MS4A18: variants seen among roughly 807,000 people sequenced by gnomAD.
MS4A18 encodes the protein membrane-spanning 4-domains subfamily A member 18.
Under a neutral mutation model 13.1 loss-of-function variants are expected in MS4A18, and 27 were observed. The ratio of observed to expected loss-of-function variants is 2.06; its 90% CI spans 1.52 to 2.84. The LOEUF (loss-of-function observed/expected upper bound fraction) is 2.84. MS4A18 is among the 30% of genes most tolerant of loss of function. MS4A18 has a pLI of 0.00. For missense variants in MS4A18, 307 were observed against 196.4 expected (o/e 1.56, Z -3.37); for synonymous variants, 126 against 76.5 (o/e 1.65, Z -3.38).
exon 4 of MS4A18, chr11:60,738,982 C>T (rs1451722948): frequency 7.1e-6 from 5 of 703,088 alleles, no homozygotes; most frequent in South Asian, 5.9e-5. Flanking sequence ...CAGATCTGAG[C>T]CTTTACTATG....
At chr11:60,743,764 A>C (rs1413425706) in exon 6 of MS4A18, 1 of 702,590 alleles carries the variant, frequency 1.4e-6, no homozygotes, top group Non-Finnish European at 2.6e-6. Flanking sequence ...CAGTGCCACC[A>C]ATGGTCCTGT....
At chr11:60,725,843 TGC>T (rs1369651397), upstream of MS4A18, among the ~76,000 whole-genome samples, 8 of 152,094 alleles carry the variant, frequency 5.3e-5, no homozygotes, top group African/African-American at 1.9e-4. Flanking sequence ...AATAATATAT[TGC>T]TGGGGGAACT....
At chr11:60,729,545 C>A (rs940763441) in exon 1 of MS4A18, 2 of 702,596 alleles carry the variant, frequency 2.8e-6, no homozygotes, top group East Asian at 5.4e-5. Flanking sequence ...CAGAGTCAAC[C>A]CATTGGGTAT....
intron 2 of MS4A18, 114 bp downstream of exon 3, chr11:60,733,761 A>T (rs569687797): frequency 1.5e-6 from 1 of 679,412 alleles, no homozygotes; most frequent in South Asian, 1.6e-5. Context: ...TGTAGACTAG[A>T]GCCAGCCTCC....
At chr11:60,729,933 A>G in intron 1 of MS4A18, 147 bp downstream of exon 2, 1 of 595,914 alleles carries the variant, frequency 1.7e-6, no homozygotes, top group East Asian at 2.8e-5. Flanking sequence ...GACCCAGTAC[A>G]ATCACCCAGA....
upstream of MS4A18, among the ~76,000 whole-genome samples, chr11:60,724,910 G>T (rs1178458073): frequency 6.6e-6 from 1 of 152,160 alleles, no homozygotes; most frequent in Non-Finnish European, 1.5e-5. Context: ...AGGAATCAGG[G>T]GTTCAGACAT....
chr11:60,735,918 T>A, intron 2 of MS4A18, among the ~76,000 whole-genome samples: 1 of 152,058 alleles, frequency 6.6e-6, no homozygotes, highest in African/African-American at 2.4e-5. Flanking sequence ...CACCTCGGCC[T>A]CCCAAAGTGC....
At chr11:60,744,313 C>A, downstream of MS4A18, 1 of 301,884 alleles carries the variant, frequency 3.3e-6, no homozygotes, top group Non-Finnish European at 6.2e-6. Context: ...AAATCGGTGC[C>A]TCAGCCATGG....
rs77278117 is a variant in MS4A18, at chr11:60,735,995, A to G, written c.592-983A>G. On this transcript the variant is annotated intron_variant, in intron 2 of 5. Coordinates refer to ENST00000529108, the Ensembl canonical transcript of MS4A18. ...TTTTCTTTATGGTCCGATCATATTT[A>G]CCTATATGCCTAAGCAACGAGTGGC... Among the ~76,000 whole-genome samples the G allele has an allele frequency of 9.6e-3, 1,460 of 152,058 alleles. 16 individuals are homozygous for G. The highest frequency in any genetic ancestry group is 0.052 in the East Asian group (269 of 5,144).
At chr11:60,744,361 C>G (rs1218033923), downstream of MS4A18, 2 of 270,378 alleles carry the variant, frequency 7.4e-6, no homozygotes, top group African/African-American at 4.4e-5. Flanking sequence ...GTCCGCAGCT[C>G]TAACTCTGAC....
At chr11:60,737,403 A>T (rs551580004) in intron 3 of MS4A18, among the ~76,000 whole-genome samples, 38 of 152,282 alleles carry the variant, frequency 2.5e-4, no homozygotes, top group African/African-American at 9.1e-4. Context: ...GCAGTGCCTT[A>T]TGGGTGCTCT....
exon 1 of MS4A18, chr11:60,729,344 G>C: frequency 1.4e-6 from 1 of 702,818 alleles, no homozygotes; most frequent in Non-Finnish European, 2.6e-6. Flanking sequence ...GGAGCCAACA[G>C]TGTACCTGGC....
intron 4 of MS4A18, among the ~76,000 whole-genome samples, chr11:60,740,420 C>G (rs1031908055): frequency 1.3e-5 from 2 of 152,148 alleles, no homozygotes; most frequent in African/African-American, 4.8e-5. Context: ...GCTCTGAGGT[C>G]CCATCCCAAC....
upstream of MS4A18, chr11:60,729,260 A>G (rs1853212405): frequency 1.4e-5 from 9 of 666,306 alleles, no homozygotes; most frequent in Admixed American, 1.9e-4. Context: ...TGCATTATTC[A>G]TTTTGTCAGA....
chr11:60,732,045 C>T (rs1285451744), intron 1 of MS4A18, among the ~76,000 whole-genome samples: 1 of 152,054 alleles, frequency 6.6e-6, no homozygotes, highest in Non-Finnish European at 1.5e-5. Flanking sequence ...AACTCATAGA[C>T]TCATGGACCA....
intron 2 of MS4A18, among the ~76,000 whole-genome samples, chr11:60,735,908 C>G (rs192037396): frequency 6.6e-6 from 1 of 151,808 alleles, no homozygotes; most frequent in Non-Finnish European, 1.5e-5. Context: ...ATAATCCACC[C>G]ACCTCGGCCT....
exon 1 of MS4A18, chr11:60,729,404 C>T: frequency 1.4e-6 from 1 of 702,804 alleles, no homozygotes; most frequent in Non-Finnish European, 2.6e-6. Context: ...AACCCTGTGG[C>T]CTCTGGAAAT....
chr11:60,739,677 G>T (rs965120401), intron 4 of MS4A18, among the ~76,000 whole-genome samples: 4 of 152,208 alleles, frequency 2.6e-5, no homozygotes, highest in Non-Finnish European at 4.4e-5. Flanking sequence ...CTCCTGAGGG[G>T]CATCAATTCC....
intron 3 of MS4A18, among the ~76,000 whole-genome samples, chr11:60,737,636 A>T (rs1853360931): frequency 6.6e-6 from 1 of 152,176 alleles, no homozygotes; most frequent in Non-Finnish European, 1.5e-5. Flanking sequence ...GTATCTGGTC[A>T]TGTTTTGATT....
Sources: gnomAD v4.1 joint callset for allele counts (sites outside exome capture counted in the v4.1 genomes callset) on GRCh38, gnomAD v4.1.1 for gene constraint, MANE v1.5 for transcripts, NCBI Gene and HGNC (gene_info 2026-07-23, HGNC 2026-07-21) for gene names.